Variants in ARHGAP32 observed in about 807,000 individuals in gnomAD.
ARHGAP32 encodes the protein Rho GTPase activating protein 32, also known as rho GTPase-activating protein 32.
Under a neutral mutation model 186.5 loss-of-function variants are expected in ARHGAP32, and 51 were observed. That is an observed-to-expected ratio of 0.27 (90% confidence interval 0.22 to 0.35). The LOEUF is 0.35. Ranked by LOEUF, ARHGAP32 falls within the 10% of genes least tolerant of loss-of-function variation. The pLI, the probability that ARHGAP32 is intolerant of heterozygous loss-of-function variation, is 1.00. For synonymous variants in ARHGAP32, 950 were observed against 964.3 expected (o/e 0.99, Z 0.27); for missense variants, 2,186 against 2,623.5 (o/e 0.83, Z 3.64).
At chr11:128,986,385 G>T in intron 14 of ARHGAP32, 139 bp downstream of exon 14, 1 of 883,248 alleles carries the variant, frequency 1.1e-6, no homozygotes, top group Non-Finnish European at 1.7e-6. Flanking sequence ...CCGACTAGCT[G>T]GCAATATTTG....
intron 1 of ARHGAP32, among the ~76,000 whole-genome samples, chr11:129,250,350 C>G (rs1945164327): frequency 6.6e-6 from 1 of 152,222 alleles, no homozygotes; most frequent in Non-Finnish European, 1.5e-5. Flanking sequence ...CCCTAATTAT[C>G]TTATGCCACT....
chr11:129,156,069 C>T (rs778915237), intron 2 of ARHGAP32, among the ~76,000 whole-genome samples: 23 of 152,212 alleles, frequency 1.5e-4, no homozygotes, highest in South Asian at 2.1e-4. Flanking sequence ...CCAAATACTA[C>T]GCTTTTCACA....
chr11:129,054,845 C>T (rs532707987), intron 10 of ARHGAP32, among the ~76,000 whole-genome samples: 16 of 152,288 alleles, frequency 1.1e-4, no homozygotes, highest in Non-Finnish European at 2.1e-4. Flanking sequence ...TATAATTTCA[C>T]ACTTCCTACT....
In ARHGAP32 at chr11:128,986,037, C is replaced by T. The variant is rs149594456; in HGVS notation, c.1492G>A (p.Asp498Asn). The T allele has an allele frequency of 1.1e-5, 18 of 1,607,724 alleles. No homozygotes were observed. Among genetic ancestry groups the T allele is most frequent in the African/African-American group, 6.7e-5 (5 of 74,270 alleles). The change falls in exon 15 of 23, where the codon GAT (aspartate) becomes AAT (asparagine). Residue 498 changes from aspartate to asparagine, a missense_variant. Coordinates refer to ENST00000682385, the MANE Select transcript of ARHGAP32 (RefSeq NM_001378024.1). ...GGTGGGGGGAGCTGCTGGATGACAT[C>T]GTGGATTTTTATCAGCCTTTCTTCA... Reference protein sequence around the residue: ...TDEERLIKIHDVIQQLPPPHY... With the variant: ...TDEERLIKIHNVIQQLPPPHY...
chr11:129,097,369 C>T (rs1354534763), intron 5 of ARHGAP32, among the ~76,000 whole-genome samples: 1 of 151,960 alleles, frequency 6.6e-6, no homozygotes, highest in Non-Finnish European at 1.5e-5. Flanking sequence ...AGTAGGTTTA[C>T]TAGACAAACA....
At chr11:128,998,805 C>A (rs1228459869) in intron 11 of ARHGAP32, among the ~76,000 whole-genome samples, 4 of 152,168 alleles carry the variant, frequency 2.6e-5, no homozygotes, top group Admixed American at 2.6e-4. Context: ...GTCTTTACTG[C>A]AATCTCTGAA....
chr11:128,976,669 T>C (rs779063097), intron 19 of ARHGAP32, 35 bp from the exon 20 acceptor site: 2 of 1,561,512 alleles, frequency 1.3e-6, no homozygotes, highest in South Asian at 1.1e-5. Flanking sequence ...TGAAGATTTC[T>C]TATTTGTTAC....
intron 1 of ARHGAP32, among the ~76,000 whole-genome samples, chr11:129,189,221 G>A (rs911064747): frequency 1.3e-5 from 2 of 152,214 alleles, no homozygotes; most frequent in Non-Finnish European, 2.9e-5. Flanking sequence ...TTTCATTAAA[G>A]TCTTCACTTT....
chr11:129,085,550 A>T (rs568664391), intron 6 of ARHGAP32, among the ~76,000 whole-genome samples: 1 of 152,328 alleles, frequency 6.6e-6, no homozygotes, highest in East Asian at 1.9e-4. Context: ...TGATTTACAG[A>T]TTCAATACAA....
At chr11:129,263,513 CATG>C (rs1201792338) in intron 1 of ARHGAP32, among the ~76,000 whole-genome samples, 2 of 145,824 alleles carry the variant, frequency 1.4e-5, no homozygotes, top group Non-Finnish European at 3.0e-5. Flanking sequence ...CAAACCAAAC[CATG>C]ATAAGATATC....
intron 1 of ARHGAP32, among the ~76,000 whole-genome samples, chr11:129,274,774 T>C (rs1165795285): frequency 6.6e-6 from 1 of 152,132 alleles, no homozygotes; most frequent in Non-Finnish European, 1.5e-5. Flanking sequence ...TAGCTTTTAT[T>C]ATTTCAACTC....
intron 1 of ARHGAP32, among the ~76,000 whole-genome samples, chr11:129,208,943 T>C (rs1330041917): frequency 6.6e-6 from 1 of 152,154 alleles, no homozygotes; most frequent in Non-Finnish European, 1.5e-5. Context: ...AATAACTATA[T>C]AGTCTAACAT....
chr11:129,238,703 C>T (rs935812142), intron 1 of ARHGAP32, among the ~76,000 whole-genome samples: 1 of 151,506 alleles, frequency 6.6e-6, no homozygotes, highest in Non-Finnish European at 1.5e-5. Context: ...GATGCTAAGA[C>T]CCAGTCTCAA....
At chr11:129,019,126 G>C (rs1938486714) in intron 11 of ARHGAP32, among the ~76,000 whole-genome samples, 1 of 152,152 alleles carries the variant, frequency 6.6e-6, no homozygotes. Flanking sequence ...TTCTGTCACT[G>C]ACTATTCCTA....
chr11:129,150,999 A>G (rs2439804), intron 2 of ARHGAP32, among the ~76,000 whole-genome samples: 96,950 of 151,266 alleles, frequency 0.64, 31,520 homozygotes, highest in Non-Finnish European at 0.71. Flanking sequence ...CTAAGGTGAC[A>G]ACTCAACAAA....
intron 12 of ARHGAP32, among the ~76,000 whole-genome samples, chr11:128,996,250 T>C (rs1181018655): frequency 1.3e-5 from 2 of 152,132 alleles, no homozygotes; most frequent in Non-Finnish European, 2.9e-5. Flanking sequence ...CCTGTGACAG[T>C]TTAATGTTTG....
chr11:129,271,454 G>A (rs1042358843), intron 1 of ARHGAP32, among the ~76,000 whole-genome samples: 1 of 151,992 alleles, frequency 6.6e-6, no homozygotes, highest in African/African-American at 2.4e-5. Flanking sequence ...GTAAAGACTT[G>A]GGGGAGGTAG....
At chr11:129,173,752 A>C (rs1247034776) in intron 1 of ARHGAP32, among the ~76,000 whole-genome samples, 2 of 152,228 alleles carry the variant, frequency 1.3e-5, no homozygotes, top group Non-Finnish European at 2.9e-5. Flanking sequence ...AAATATTTTA[A>C]TGAAAATTAT....
chr11:129,080,036 A>C (rs1415931313), intron 6 of ARHGAP32, among the ~76,000 whole-genome samples: 1 of 152,162 alleles, frequency 6.6e-6, no homozygotes, highest in Admixed American at 6.5e-5. Context: ...AAAAGGACTA[A>C]TCCAACAGGA....
Sources: gnomAD v4.1 joint callset for allele counts (sites outside exome capture counted in the v4.1 genomes callset) on GRCh38, gnomAD v4.1.1 for gene constraint, MANE v1.5 for transcripts, NCBI Gene and HGNC (gene_info 2026-07-23, HGNC 2026-07-21) for gene names.